NCKAP1: variants seen among roughly 807,000 people sequenced by gnomAD.
NCKAP1 encodes NCK associated protein 1, also known as nck-associated protein 1.
In NCKAP1, 21 loss-of-function variants were observed where a neutral mutation model predicts 151.2. That is an observed-to-expected ratio of 0.14 (90% CI 0.10 to 0.20). The LOEUF (loss-of-function observed/expected upper bound fraction) is 0.20. Among genes scored for constraint, NCKAP1 ranks in the 10% least tolerant of loss-of-function variants. The pLI is 1.00. For synonymous variants in NCKAP1, 484 were observed against 451.8 expected, an observed-to-expected ratio of 1.07 and a Z score of -0.90; for missense variants, 933 against 1,352.1, an observed-to-expected ratio of 0.69 and a Z score of 4.86.
At chr2:183,016,204 T>C (rs1698684508) in intron 2 of NCKAP1, among the ~76,000 whole-genome samples, 1 of 152,214 alleles carries the variant, frequency 6.6e-6, no homozygotes, top group Admixed American at 6.5e-5. Context: ...GGACTATTCA[T>C]TATCATGTAT....
At position 182,916,789 on chromosome 2, in the gene NCKAP1, T is replaced by C. The variant is rs936319663; in HGVS notation, c.*8913A>G. ...TTTTTGTGTATAGTATATAAAAATA[T>C]AGTATAACATACATATAGTATAGAG... On this transcript the variant is annotated 3_prime_UTR_variant, in exon 31 of 31. Transcript: ENST00000361354. The C allele has an allele frequency of 6.6e-6, 1 of 152,224 alleles. No individual in the cohort carries two copies. Among genetic ancestry groups the C allele is most frequent in the Non-Finnish European group, 1.5e-5 (1 of 68,036 alleles). The allele number at this position is 152,224 out of a possible 1,614,324, so 9.4% of individuals were successfully genotyped here. A position where few individuals can be genotyped will look rare whatever the true frequency, so the allele number is the denominator to read the frequency against.
At position 182,928,892 on chromosome 2, in the gene NCKAP1, A is replaced by C. The variant is rs750348217; in HGVS notation, c.2961T>G (p.Ile987Met). Residue 987 changes from isoleucine (I) to methionine (M), a missense_variant, in exon 28 of 31, where the codon ATT (isoleucine) becomes ATG (methionine). Around this residue, in one of 2 missense-constraint regions of NCKAP1, gnomAD observed 326 missense variants for 557.1 expected, o/e 0.59. Transcript: ENST00000361354. ...VALSSQKSEN[I>M]SPEEEYKIAC... Reference sequence around the variant, plus strand: ...CAATTTTATACTCTTCTTCTGGACTAATGTTTTCTAAGAGACAAAAATTAA... The same window carrying C: ...CAATTTTATACTCTTCTTCTGGACTCATGTTTTCTAAGAGACAAAAATTAA... 9 of 1,596,992 alleles carry C rather than the reference A, an allele frequency of 5.6e-6. No homozygotes were observed. Among genetic ancestry groups the C allele is most frequent in the Middle Eastern group, 1.7e-4 (1 of 6,030 alleles).
rs1298449441 is a variant in NCKAP1, at chr2:182,910,843, A to G, written c.*14859T>C. ...TTATCAGCAACCTTCAGAGAAAGTTACTGAGAAGAAGGTGATTGCTAAGTA... is the reference window on the plus strand; with the variant it reads ...TTATCAGCAACCTTCAGAGAAAGTTGCTGAGAAGAAGGTGATTGCTAAGTA... On this transcript the variant is annotated 3_prime_UTR_variant, in exon 31 of 31. Coordinates refer to ENST00000361354, the MANE Select transcript of NCKAP1 (RefSeq NM_013436.5). 2.0e-5 allele frequency: 3 copies of G among 152,156 alleles called. No homozygotes were observed. In the East Asian group the frequency reaches 5.8e-4, roughly 29 times the overall value. 9.4% of individuals were successfully genotyped at this position (152,156 alleles called of 1,614,324 possible). A position where few individuals can be genotyped will look rare whatever the true frequency, so the allele number is the denominator to read the frequency against.
intron 1 of NCKAP1, among the ~76,000 whole-genome samples, chr2:183,033,250 A>T (rs1699039986): frequency 6.6e-6 from 1 of 152,224 alleles, no homozygotes; most frequent in Non-Finnish European, 1.5e-5. Context: ...AGAAGTCAAC[A>T]AATTGTTAAG....
At chr2:182,986,988 T>C (rs1255211967) in intron 9 of NCKAP1, among the ~76,000 whole-genome samples, 1 of 152,160 alleles carries the variant, frequency 6.6e-6, no homozygotes, top group African/African-American at 2.4e-5. Context: ...ACACCTGTAA[T>C]CCCAGCACTT....
rs1348914986 is a variant in NCKAP1, at chr2:182,925,683, CTTGA to C, written c.*15_*18del. 2 of 1,446,120 alleles carry C rather than the reference CTTGA, an allele frequency of 1.4e-6. No homozygotes were observed. The highest frequency in any genetic ancestry group is 1.5e-5 in the African/African-American group (1 of 68,888). The allele number at this position is 1,446,120 out of a possible 1,614,324, so 89.6% of individuals were successfully genotyped here. On this transcript the variant is annotated 3_prime_UTR_variant, in exon 31 of 31. Coordinates refer to ENST00000361354, the MANE Select transcript of NCKAP1 (RefSeq NM_013436.5). The stretch of plus-strand genomic sequence containing the variant: ...CAAGGCAACAAAAATGCGTGCTTAT[CTTGA>C]TTAAGTAGGTAATTTTATGCAGAAG...
chr2:182,929,564 A>G (rs1180563911), intron 27 of NCKAP1, among the ~76,000 whole-genome samples: 1 of 151,930 alleles, frequency 6.6e-6, no homozygotes, highest in Admixed American at 6.6e-5. Flanking sequence ...TATGCACTCA[A>G]ATTGTGGGTT....
rs751064772 is a variant in NCKAP1 at position 183,001,962 on chromosome 2, G to C, written c.594C>G (p.Pro198=). 17 of 1,612,660 alleles carry C rather than the reference G, an allele frequency of 1.1e-5. No individual in the cohort carries two copies. The highest frequency in any genetic ancestry group is 2.2e-5 in the East Asian group (1 of 44,828). The change falls in exon 6 of 31, where the codon CCC becomes CCG. Residue 198 remains proline, a synonymous_variant. Transcript: ENST00000361354. Reference sequence around the variant, plus strand: ...AACAACTGCCTCTTACCTTGCTATGGGGTACAAATTCTTCCATCATCTTCT... The same window carrying C: ...AACAACTGCCTCTTACCTTGCTATGCGGTACAAATTCTTCCATCATCTTCT... ...PLKKMMEEFV[P]HSKSLSDALI...
chr2:183,011,489 T>TAC (rs1698589277), intron 2 of NCKAP1, among the ~76,000 whole-genome samples: 2 of 152,210 alleles, frequency 1.3e-5, no homozygotes, highest in South Asian at 4.1e-4. Flanking sequence ...GCTCTCTTTA[T>TAC]CAATAAGCTT....
At position 182,952,374 on chromosome 2, in the gene NCKAP1, T is replaced by C. The variant is rs1177432169; in HGVS notation, c.2601+31A>G. 2.1e-6 allele frequency: 3 copies of C among 1,417,236 alleles called. No homozygotes were observed. The Admixed American group carries it at 6.3e-5, about 30-fold the overall frequency. 87.8% of individuals were successfully genotyped at this position (1,417,236 alleles called of 1,614,324 possible). ...GAAATGTTTTTCAGGAATTAATGTTTAAAAGCTAAAATTAATAAAGACTAT... is the reference window on the plus strand; with the variant it reads ...GAAATGTTTTTCAGGAATTAATGTTCAAAAGCTAAAATTAATAAAGACTAT... On this transcript the variant is annotated intron_variant, in intron 23 of 30. Transcript: ENST00000361354.
chr2:182,987,401 T>TAAA (rs1208574208), intron 9 of NCKAP1, among the ~76,000 whole-genome samples: 1 of 152,222 alleles, frequency 6.6e-6, no homozygotes, highest in African/African-American at 2.4e-5. Flanking sequence ...AATACACTTT[T>TAAA]ATACTTATGG....
rs528110525 is a variant in NCKAP1, at chr2:182,944,997, G to A, written c.2602-2834C>T. On this transcript the variant is annotated intron_variant, in intron 23 of 30. Transcript: ENST00000361354. ...CACCTGTAATCTCAGCACTTTGGGAGGCCGAGGTGGGCGGATCACCTGAGG... is the reference window on the plus strand; with the variant it reads ...CACCTGTAATCTCAGCACTTTGGGAAGCCGAGGTGGGCGGATCACCTGAGG... Among the ~76,000 whole-genome samples the A allele has an allele frequency of 5.0e-4, 76 of 152,258 alleles. 1 individual carries two copies. The highest frequency in any genetic ancestry group is 8.4e-4 in the Non-Finnish European group (57 of 68,018).
At position 182,964,662 on chromosome 2, in the gene NCKAP1, T is replaced by TAC. The variant is rs1329656260; in HGVS notation, c.1761+12_1761+13dup. On this transcript the variant is annotated intron_variant, in intron 17 of 30. Coordinates refer to ENST00000361354, the MANE Select transcript of NCKAP1 (RefSeq NM_013436.5). ...TTGCATACCATATAACTCACAGTAG[T>TAC]ACACTATAATTACCTCTTCTGGACA... 1.3e-6 allele frequency: 2 copies of TAC among 1,578,956 alleles called. No individual in the cohort carries two copies. The highest frequency in any genetic ancestry group is 3.7e-5 in the Admixed American group (2 of 54,164).
chr2:183,000,047 T>C (rs1307401266), intron 6 of NCKAP1, among the ~76,000 whole-genome samples: 1 of 152,130 alleles, frequency 6.6e-6, no homozygotes, highest in East Asian at 1.9e-4. Context: ...TTGGGTACCA[T>C]GTTCACTACT....
intron 1 of NCKAP1, among the ~76,000 whole-genome samples, chr2:183,028,340 A>C (rs1187856733): frequency 1.3e-5 from 2 of 152,122 alleles, no homozygotes; most frequent in Non-Finnish European, 2.9e-5. Context: ...AAAACATAAA[A>C]TACTATAATT....
rs1283307987 is a variant in NCKAP1, at chr2:182,923,607, A to G, written c.*2095T>C. On this transcript the variant is annotated 3_prime_UTR_variant, in exon 31 of 31. Transcript: ENST00000361354. ...AATTAGTTATGGTATCTATAAAGGT[A>G]TTAAAAAGAATATTAAAGACATTTT... 1 of 152,196 alleles carries G rather than the reference A, an allele frequency of 6.6e-6. No individual in the cohort carries two copies. The highest frequency in any genetic ancestry group is 6.5e-5 in the Admixed American group (1 of 15,274). 9.4% of individuals were successfully genotyped at this position (152,196 alleles called of 1,614,324 possible).
chr2:182,987,488 C>T (rs943040152), intron 9 of NCKAP1, among the ~76,000 whole-genome samples: 1 of 152,044 alleles, frequency 6.6e-6, no homozygotes, highest in African/African-American at 2.4e-5. Context: ...ATTTTAAATA[C>T]AGAGATTCTC....
At chr2:183,029,798 A>C (rs1432810282) in intron 1 of NCKAP1, among the ~76,000 whole-genome samples, 2 of 142,378 alleles carry the variant, frequency 1.4e-5, no homozygotes, top group Non-Finnish European at 1.5e-5. Context: ...ACTCCAGCCT[A>C]GGCAAGAGTG....
chr2:182,991,833 G>A (rs1466274525), intron 8 of NCKAP1, among the ~76,000 whole-genome samples: 1 of 152,124 alleles, frequency 6.6e-6, no homozygotes, highest in African/African-American at 2.4e-5. Context: ...TCTTTCCTAA[G>A]GAGTCTCCCA....
Sources: allele counts gnomAD v4.1 joint callset (sites outside exome capture counted in the v4.1 genomes callset), GRCh38; gene constraint gnomAD v4.1.1; regional missense constraint gnomAD v4.1.1; transcripts MANE v1.5; gene names NCBI Gene and HGNC (gene_info 2026-07-23, HGNC 2026-07-21).